The following SLIT2 variants were observed in gnomAD, a reference collection of about 807,000 sequenced individuals.
The protein encoded by SLIT2 is slit homolog 2 protein.
SLIT2 carries 41 observed loss-of-function variants against 185.7 expected under a neutral mutation model. The observed-to-expected ratio is 0.22, with a 90% CI of 0.17 to 0.29. The LOEUF (loss-of-function observed/expected upper bound fraction) is 0.29. SLIT2 is among the 10% of genes least tolerant of loss of function. The probability of loss-of-function intolerance (pLI) is 1.00; values close to 1 mark genes in which losing one functional copy is unlikely to be tolerated. For missense variants in SLIT2, 1,571 were observed against 1,909.0 expected, an observed-to-expected ratio of 0.82 and a Z score of 3.30; for synonymous variants, 693 against 680.2, an observed-to-expected ratio of 1.02 and a Z score of -0.29.
chr4:20,588,916 CTT>C (rs1727283588), intron 29 of SLIT2, among the ~76,000 whole-genome samples: 1 of 152,068 alleles, frequency 6.6e-6, no homozygotes, highest in African/African-American at 2.4e-5. Flanking sequence ...TCTCCTTTTA[CTT>C]TTTTCTTTAT....
Position 20,325,434 on chromosome 4 carries a change from T to C in SLIT2, c.395+56553T>C, listed in dbSNP as rs1719491453. Among the ~76,000 whole-genome samples, 3 of 124,386 alleles carry C rather than the reference T, an allele frequency of 2.4e-5. No homozygotes were observed. In the South Asian group the frequency reaches 8.4e-4, roughly 35 times the overall value. 81.6% of individuals were successfully genotyped at this position (124,386 alleles called of 152,430 possible). On this transcript the variant is annotated intron_variant, in intron 4 of 36. Transcript: ENST00000504154. The stretch of plus-strand genomic sequence containing the variant: ...GTAGGGTGGGGGTGGGGGGTGGGAA[T>C]AATCTTAAAAAAAAAAAAAAAGAAT...
intron 4 of SLIT2, among the ~76,000 whole-genome samples, chr4:20,271,612 G>A (rs1577349270): frequency 6.7e-6 from 1 of 150,044 alleles, no homozygotes; most frequent in Middle Eastern, 3.4e-3. Context: ...AGGTTGTTCC[G>A]AGATACGAAT....
At chr4:20,285,320 A>G (rs1004767659) in intron 4 of SLIT2, among the ~76,000 whole-genome samples, 22 of 152,196 alleles carry the variant, frequency 1.4e-4, no homozygotes, top group Non-Finnish European at 2.9e-4. Flanking sequence ...CTGATAGGCC[A>G]TTTAGTGGAA....
chr4:20,553,175 C>G (rs968462391), intron 25 of SLIT2, among the ~76,000 whole-genome samples: 1 of 152,122 alleles, frequency 6.6e-6, no homozygotes, highest in African/African-American at 2.4e-5. Flanking sequence ...ACTTACCTGT[C>G]CTTTATCTGT....
At chr4:20,304,404 A>G (rs1717342727) in intron 4 of SLIT2, among the ~76,000 whole-genome samples, 1 of 152,154 alleles carries the variant, frequency 6.6e-6, no homozygotes, top group Admixed American at 6.5e-5. Flanking sequence ...AAGGAAGGAG[A>G]GGAGTTGTAA....
intron 4 of SLIT2, among the ~76,000 whole-genome samples, chr4:20,329,585 A>C (rs969877761): frequency 6.6e-6 from 1 of 152,028 alleles, no homozygotes; most frequent in Non-Finnish European, 1.5e-5. Context: ...ATACTAGTAA[A>C]ATCATAGGAC....
chr4:20,528,630 A>C lies in SLIT2; in HGVS notation c.1463-319A>C, dbSNP rs1721511733. Among the ~76,000 whole-genome samples, 1 of 152,198 alleles carries C rather than the reference A, an allele frequency of 6.6e-6. No homozygotes were observed. On this transcript the variant is annotated intron_variant, in intron 15 of 36. Transcript: ENST00000504154. The surrounding 1 kb of genome is among the most constrained non-coding windows in gnomAD (Gnocchi z 4.2). ...ATTCTTGACTCCGAGAAAAAAAATA[A>C]ACTTTTTAATAATTAATATCCATTG...
chr4:20,307,820 A>G (rs1156991381), intron 4 of SLIT2, among the ~76,000 whole-genome samples: 3 of 152,170 alleles, frequency 2.0e-5, no homozygotes, highest in Non-Finnish European at 4.4e-5. Context: ...CACAGGCAGT[A>G]ACTTGCCCAA....
At chr4:20,597,124 G>C (rs1436226140) in intron 32 of SLIT2, among the ~76,000 whole-genome samples, 2 of 149,692 alleles carry the variant, frequency 1.3e-5, no homozygotes, top group Non-Finnish European at 3.0e-5. Flanking sequence ...GGAGTTCAGT[G>C]GCGTGATCTC....
chr4:20,488,821 G>T lies in SLIT2; in HGVS notation c.614G>T (p.Arg205Leu). 1.9e-6 allele frequency: 3 copies of T among 1,567,730 alleles called. No individual in the cohort carries two copies. Among genetic ancestry groups the T allele is most frequent in the Non-Finnish European group, 1.7e-6 (2 of 1,154,498 alleles). ...FNHMPKLRTFRLHSNNLYCDC... is the reference protein window; with the variant it reads ...FNHMPKLRTFLLHSNNLYCDC... ...ACACTTCTTTTTTTCTCATTTAGTC[G>T]ACTGCATTCAAACAACCTGTATTGT... Residue 205 changes from arginine (R) to leucine (L), a missense_variant and splice_region_variant, in exon 8 of 37, where the codon CGA (arginine) becomes CTA (leucine). Physicochemically the swap from Arg to Leu is moderately radical, Grantham distance 102. Transcript: ENST00000504154.
intron 4 of SLIT2, among the ~76,000 whole-genome samples, chr4:20,349,130 G>A (rs1402068712): frequency 6.6e-6 from 1 of 152,116 alleles, no homozygotes; most frequent in Admixed American, 6.6e-5. Flanking sequence ...ATTCGGTGTG[G>A]ACAAGAGGTT....
chr4:20,524,167 C>G lies in SLIT2; in HGVS notation c.1428C>G (p.Phe476Leu). The part of the protein sequence containing the change: ...KRIGQIKSKK[F>L]RCSAKEQYFI... ...TTGGACAGATCAAAAGCAAGAAATTCCGTTGTTCAGGTAATTTCTTCACGT... is the reference window on the plus strand; with the variant it reads ...TTGGACAGATCAAAAGCAAGAAATTGCGTTGTTCAGGTAATTTCTTCACGT... Residue 476 changes from phenylalanine (F) to leucine (L), a missense_variant, in exon 14 of 37, where the codon TTC becomes TTG. By Grantham distance (22) the Phe-to-Leu change is conservative. Around this residue, in one of 3 missense-constraint regions of SLIT2, gnomAD observed 1,202 missense variants for 1,416.4 expected, o/e 0.85. Coordinates refer to ENST00000504154, the MANE Select transcript of SLIT2 (RefSeq NM_004787.4). 6.2e-7 allele frequency: 1 copy of G among 1,613,952 alleles called. No homozygotes were observed. The highest frequency in any genetic ancestry group is 1.7e-4 in the Middle Eastern group (1 of 6,060).
intron 25 of SLIT2, among the ~76,000 whole-genome samples, chr4:20,551,184 CATT>C (rs752008940): frequency 1.3e-5 from 2 of 152,152 alleles, no homozygotes; most frequent in Non-Finnish European, 2.9e-5. Flanking sequence ...CTTTTTCTCT[CATT>C]ATTATCTGAT....
intron 4 of SLIT2, among the ~76,000 whole-genome samples, chr4:20,290,894 G>A (rs753703512): frequency 4.6e-5 from 7 of 151,764 alleles, no homozygotes; most frequent in African/African-American, 1.7e-4. Context: ...GACAGCTTCT[G>A]TGTCCCTAGC....
intron 4 of SLIT2, among the ~76,000 whole-genome samples, chr4:20,386,372 G>T (rs1724937395): frequency 6.6e-6 from 1 of 152,162 alleles, no homozygotes; most frequent in Non-Finnish European, 1.5e-5. Context: ...TGCTAAAAAT[G>T]CTTCTTTAAT....
intron 33 of SLIT2, among the ~76,000 whole-genome samples, chr4:20,601,373 T>C (rs1408002202): frequency 6.6e-6 from 1 of 152,202 alleles, no homozygotes; most frequent in African/African-American, 2.4e-5. Flanking sequence ...ACATGATAAA[T>C]GTAAAATATT....
chr4:20,390,435 A>G (rs981720404), intron 4 of SLIT2, among the ~76,000 whole-genome samples: 4 of 152,116 alleles, frequency 2.6e-5, no homozygotes, highest in Non-Finnish European at 5.9e-5. Context: ...ATACAGAGAT[A>G]ACATTAGGAT....
intron 4 of SLIT2, among the ~76,000 whole-genome samples, chr4:20,447,719 T>C (rs190696999): frequency 2.6e-4 from 39 of 152,246 alleles, no homozygotes; most frequent in Admixed American, 1.0e-3. Context: ...CCTGGCTAGG[T>C]TGAAGTTTCA....
At chr4:20,580,254 T>A (rs1015905396) in intron 29 of SLIT2, among the ~76,000 whole-genome samples, 5 of 151,146 alleles carry the variant, frequency 3.3e-5, no homozygotes, top group Non-Finnish European at 7.4e-5. Flanking sequence ...AGAGACAGGG[T>A]TTCACCATGT....
Sources: allele counts gnomAD v4.1 joint callset (sites outside exome capture counted in the v4.1 genomes callset), GRCh38; gene constraint gnomAD v4.1.1; regional missense constraint gnomAD v4.1.1; non-coding constraint Gnocchi (gnomAD v3.1); transcripts MANE v1.5; gene names NCBI Gene and HGNC (gene_info 2026-07-23, HGNC 2026-07-21).